Variants in LHFPL2 observed in about 807,000 individuals in gnomAD.
The protein encoded by LHFPL2 is LHFPL tetraspan subfamily member 2 protein.
A neutral mutation model predicts 17.5 loss-of-function variants in LHFPL2; 7 were observed. The observed-to-expected ratio is 0.40, with a 90% confidence interval of 0.23 to 0.75. The LOEUF (loss-of-function observed/expected upper bound fraction) is 0.75. Among genes scored for constraint, LHFPL2 ranks in the 30% least tolerant of loss-of-function variants. The probability of loss-of-function intolerance (pLI) is 0.37; values close to 1 mark genes in which losing one functional copy is unlikely to be tolerated. For synonymous variants in LHFPL2, 134 were observed against 116.2 expected (o/e 1.15, Z -0.99); for missense variants, 241 against 294.8 (o/e 0.82, Z 1.34).
rs765136948 is a variant in LHFPL2, at chr5:78,487,864, A to ATAAC, written c.*1029_*1032dup. ...CAGTAACTACAAAAACTTAACTCCCATAACTAGCTTCTTTTTGTTGTAGAA... is the reference window on the plus strand; with the variant it reads ...CAGTAACTACAAAAACTTAACTCCCATAACTAACTAGCTTCTTTTTGTTGTAGAA... On this transcript the variant is annotated 3_prime_UTR_variant, in exon 5 of 5. Transcript: ENST00000380345. 9 of 152,196 alleles carry ATAAC rather than the reference A, an allele frequency of 5.9e-5. No individual in the cohort carries two copies. Among genetic ancestry groups the ATAAC allele is most frequent in the Admixed American group, 1.3e-4 (2 of 15,282 alleles). The allele number at this position is 152,196 out of a possible 1,614,324, so 9.4% of individuals were successfully genotyped here.
intron 2 of LHFPL2, among the ~76,000 whole-genome samples, chr5:78,568,759 C>T (rs1019951446): frequency 1.3e-5 from 2 of 152,162 alleles, no homozygotes; most frequent in Non-Finnish European, 2.9e-5. Flanking sequence ...CAACTGTCCT[C>T]TCACAATCCT....
chr5:78,594,924 G>A (rs903144747), intron 2 of LHFPL2, among the ~76,000 whole-genome samples: 2 of 152,152 alleles, frequency 1.3e-5, no homozygotes, highest in African/African-American at 4.8e-5. Context: ...CATCTGATGT[G>A]GCTAGCCTTC....
rs1321806829 is a variant in LHFPL2 at position 78,648,677 on chromosome 5, G to A, written c.-528C>T. On this transcript the variant is annotated 5_prime_UTR_variant, in exon 1 of 5. Coordinates refer to ENST00000380345, the MANE Select transcript of LHFPL2 (RefSeq NM_005779.3). The surrounding 1 kb of genome is among the most constrained non-coding windows in gnomAD (Gnocchi z 5.4). ...GCGGCGGGAGAGGGGGGCAACGCAA[G>A]GGAGGGGAGAGGGTCCGCGGCGCGG... The A allele has an allele frequency of 1.3e-5, 2 of 152,170 alleles. No homozygotes were observed. The highest frequency in any genetic ancestry group is 6.6e-5 in the Admixed American group (1 of 15,238). 9.4% of individuals were successfully genotyped at this position (152,170 alleles called of 1,614,324 possible). A position where few individuals can be genotyped will look rare whatever the true frequency, so the allele number is the denominator to read the frequency against.
chr5:78,510,827 C>T (rs1326886185), intron 3 of LHFPL2, among the ~76,000 whole-genome samples: 3 of 152,204 alleles, frequency 2.0e-5, no homozygotes, highest in African/African-American at 4.8e-5. Flanking sequence ...TTTAAGTTTG[C>T]AAGACTTTTT....
chr5:78,576,212 G>A (rs1267985711), intron 2 of LHFPL2, among the ~76,000 whole-genome samples: 2 of 151,820 alleles, frequency 1.3e-5, no homozygotes, highest in East Asian at 1.9e-4. Context: ...GGAGAATGGC[G>A]TGAGCCCGGG....
In LHFPL2 at chr5:78,535,060, G is replaced by C. The variant is rs918422492; in HGVS notation, c.-185-24662C>G. Among the ~76,000 whole-genome samples the C allele has an allele frequency of 3.3e-5, 5 of 152,338 alleles. No homozygotes were observed. The East Asian group carries it at 9.6e-4, about 29-fold the overall frequency. ...AAAACCCAACGACTTCTTAGGAGGAGAGAAAGCCCATTTTCTAGTGTTCTA... is the reference window on the plus strand; with the variant it reads ...AAAACCCAACGACTTCTTAGGAGGACAGAAAGCCCATTTTCTAGTGTTCTA... On this transcript the variant is annotated intron_variant, in intron 3 of 4. Transcript: ENST00000380345.
At chr5:78,584,659 A>G (rs771427030) in intron 2 of LHFPL2, among the ~76,000 whole-genome samples, 426 of 152,286 alleles carry the variant, frequency 2.8e-3, no homozygotes, top group Non-Finnish European at 4.5e-3. Context: ...CTCCAGCTGC[A>G]TGCTGGGAAA....
intron 3 of LHFPL2, among the ~76,000 whole-genome samples, chr5:78,539,816 CTT>C (rs11351036): frequency 0.043 from 5,937 of 137,494 alleles, 339 homozygotes; most frequent in African/African-American, 0.14. Flanking sequence ...AAGACTTTTG[CTT>C]TTTTTTTTTT....
At chr5:78,579,952 T>C (rs1282440278) in intron 2 of LHFPL2, among the ~76,000 whole-genome samples, 1 of 152,240 alleles carries the variant, frequency 6.6e-6, no homozygotes, top group Non-Finnish European at 1.5e-5. Flanking sequence ...TGAACTAGTT[T>C]ACAGTCCCAC....
chr5:78,535,102 A>G (rs1162259361), intron 3 of LHFPL2, among the ~76,000 whole-genome samples: 1 of 152,014 alleles, frequency 6.6e-6, no homozygotes, highest in Admixed American at 6.5e-5. Flanking sequence ...GTTCCATTAC[A>G]TTTTCTTCCT....
At position 78,611,292 on chromosome 5, in the gene LHFPL2, A is replaced by G. The variant is rs148002198; in HGVS notation, c.-245+20972T>C. Among the ~76,000 whole-genome samples, 459 of 152,314 alleles carry G rather than the reference A, an allele frequency of 3.0e-3. 3 individuals are homozygous for G. Among genetic ancestry groups the G allele is most frequent in the African/African-American group, 0.011 (441 of 41,576 alleles). On this transcript the variant is annotated intron_variant, in intron 2 of 4. Coordinates refer to ENST00000380345, the MANE Select transcript of LHFPL2 (RefSeq NM_005779.3). ...GGCCAGTCCAGGGCAGGGCAAGACC[A>G]GTGTGGGCTGAGGGGCAGGAGAAAG...
At chr5:78,630,942 G>A (rs1409858507) in intron 2 of LHFPL2, among the ~76,000 whole-genome samples, 4 of 152,106 alleles carry the variant, frequency 2.6e-5, no homozygotes, top group African/African-American at 2.4e-5. Context: ...CTCTCATTTT[G>A]GCTCCAACAT....
intron 2 of LHFPL2, among the ~76,000 whole-genome samples, chr5:78,600,879 C>A (rs1743990196): frequency 6.6e-6 from 1 of 152,170 alleles, no homozygotes; most frequent in South Asian, 2.1e-4. Flanking sequence ...CACAATGGAA[C>A]ATAAATAGCA....
chr5:78,499,838 C>A (rs1296658465), intron 4 of LHFPL2, among the ~76,000 whole-genome samples: 2 of 152,108 alleles, frequency 1.3e-5, no homozygotes, highest in African/African-American at 4.8e-5. Context: ...TGAGTGTCAC[C>A]AACCTTACTG....
Position 78,572,538 on chromosome 5 carries a change from A to G in LHFPL2, c.-244-7667T>C, listed in dbSNP as rs1757029081. 2.0e-5 allele frequency among the ~76,000 whole-genome samples: 3 copies of G among 150,988 alleles called. No homozygotes were observed. The South Asian group carries it at 6.3e-4, about 31-fold the overall frequency. ...CACACACATATATATATATACACACACATATATATATACTAACTAAATATA... is the reference window on the plus strand; with the variant it reads ...CACACACATATATATATATACACACGCATATATATATACTAACTAAATATA... On this transcript the variant is annotated intron_variant, in intron 2 of 4. Transcript: ENST00000380345.
At chr5:78,597,166 C>A (rs1743853143) in intron 2 of LHFPL2, among the ~76,000 whole-genome samples, 1 of 152,182 alleles carries the variant, frequency 6.6e-6, no homozygotes, top group African/African-American at 2.4e-5. Context: ...GTGGAAACAG[C>A]CCACGAGCGA....
At chr5:78,510,907 G>T (rs1469293590) in intron 3 of LHFPL2, among the ~76,000 whole-genome samples, 1 of 152,238 alleles carries the variant, frequency 6.6e-6, no homozygotes, top group African/African-American at 2.4e-5. Context: ...CTTAACAGTA[G>T]AGAGTAGCAA....
chr5:78,555,694 C>T (rs750406573), intron 3 of LHFPL2, among the ~76,000 whole-genome samples: 1 of 152,260 alleles, frequency 6.6e-6, no homozygotes, highest in Non-Finnish European at 1.5e-5. Context: ...CAACAGGCAG[C>T]TGGCTGGATG....
At chr5:78,643,104 C>T (rs1283236773) in intron 1 of LHFPL2, among the ~76,000 whole-genome samples, 2 of 152,168 alleles carry the variant, frequency 1.3e-5, no homozygotes, top group Non-Finnish European at 2.9e-5. Flanking sequence ...AGACTCCCTT[C>T]GCTCAGTGCT....
Sources: gnomAD v4.1 joint callset for allele counts (sites outside exome capture counted in the v4.1 genomes callset) on GRCh38, gnomAD v4.1.1 for gene constraint, Gnocchi (gnomAD v3.1) non-coding constraint, MANE v1.5 for transcripts, NCBI Gene and HGNC (gene_info 2026-07-23, HGNC 2026-07-21) for gene names.